The following ZNF827 variants were observed in gnomAD, a reference collection of about 807,000 sequenced individuals.
The protein encoded by ZNF827 is zinc finger protein 827.
ZNF827 carries 13 observed loss-of-function variants against 102.4 expected under a neutral mutation model. The observed-to-expected ratio is 0.13, with a 90% confidence interval of 0.08 to 0.20. The LOEUF (loss-of-function observed/expected upper bound fraction) is 0.20, where lower values mean the gene tolerates loss of function less well. Ranked by LOEUF, ZNF827 falls within the 10% of genes least tolerant of loss-of-function variation. The probability of loss-of-function intolerance (pLI) is 1.00; values close to 1 mark genes in which losing one functional copy is unlikely to be tolerated. For missense variants in ZNF827, 1,103 were observed against 1,344.4 expected (o/e 0.82, Z 2.81); for synonymous variants, 523 against 536.2 (o/e 0.98, Z 0.34).
At chr4:145,888,867 C>T (rs1750354270) in intron 3 of ZNF827, among the ~76,000 whole-genome samples, 1 of 152,188 alleles carries the variant, frequency 6.6e-6, no homozygotes, top group Non-Finnish European at 1.5e-5. Context: ...TTATAAGCTC[C>T]TTCCACAGCG....
At chr4:145,824,699 G>A (rs543796253) in intron 7 of ZNF827, among the ~76,000 whole-genome samples, 1 of 152,072 alleles carries the variant, frequency 6.6e-6, no homozygotes, top group Admixed American at 6.5e-5. Flanking sequence ...GCAGGGAAAC[G>A]CAGCCAGGAG....
chr4:145,857,484 C>T (rs1747265892), intron 5 of ZNF827, among the ~76,000 whole-genome samples: 1 of 152,196 alleles, frequency 6.6e-6, no homozygotes, highest in Non-Finnish European at 1.5e-5. Context: ...AGGTCCTCGA[C>T]TGAGCTAACT....
intron 4 of ZNF827, among the ~76,000 whole-genome samples, chr4:145,879,069 G>A (rs1003645882): frequency 1.9e-4 from 29 of 152,138 alleles, no homozygotes; most frequent in Non-Finnish European, 3.7e-4. Context: ...TTGAAGCCAA[G>A]GAAAATAAAC....
At chr4:145,774,698 G>A in intron 10 of ZNF827, 26 bp from the exon 11 acceptor site, 2 of 1,606,340 alleles carry the variant, frequency 1.2e-6, no homozygotes, top group Non-Finnish European at 1.7e-6. Context: ...AAAGAAAAGA[G>A]GGGGAGAGAA....
chr4:145,836,430 C>A (rs1040106754), intron 7 of ZNF827, among the ~76,000 whole-genome samples: 4 of 152,138 alleles, frequency 2.6e-5, no homozygotes, highest in African/African-American at 4.8e-5. Flanking sequence ...TAGAGGCCCT[C>A]AAAATCACAA....
At chr4:145,841,493 G>A (rs766508379) in intron 7 of ZNF827, among the ~76,000 whole-genome samples, 3 of 152,164 alleles carry the variant, frequency 2.0e-5, no homozygotes, top group Non-Finnish European at 4.4e-5. Context: ...AGTCTGAAAT[G>A]TTTGGTCCTT....
chr4:145,910,060 G>C (rs1390710262), intron 1 of ZNF827, among the ~76,000 whole-genome samples: 1 of 152,114 alleles, frequency 6.6e-6, no homozygotes, highest in Non-Finnish European at 1.5e-5. Flanking sequence ...CCAGATTCCT[G>C]TCACCAGTCC....
chr4:145,860,651 TC>T (rs914987575), intron 5 of ZNF827, among the ~76,000 whole-genome samples: 12 of 152,038 alleles, frequency 7.9e-5, no homozygotes, highest in African/African-American at 2.9e-4. Context: ...CCAGCTGCTA[TC>T]CCGTAGTTAG....
intron 5 of ZNF827, among the ~76,000 whole-genome samples, chr4:145,857,721 G>A (rs972227185): frequency 1.3e-5 from 2 of 152,144 alleles, no homozygotes; most frequent in Non-Finnish European, 2.9e-5. Context: ...ATGATGTCGG[G>A]TGGCTCAGTC....
chr4:145,896,818 C>T (rs1254980117), intron 2 of ZNF827, among the ~76,000 whole-genome samples: 5 of 152,150 alleles, frequency 3.3e-5, no homozygotes, highest in Non-Finnish European at 7.3e-5. Flanking sequence ...GGAATGACTA[C>T]ATCATTAATA....
At chr4:145,927,247 C>A (rs1466871306) in intron 1 of ZNF827, among the ~76,000 whole-genome samples, 1 of 152,282 alleles carries the variant, frequency 6.6e-6, no homozygotes, top group East Asian at 1.9e-4. Context: ...CCATATGGAG[C>A]ACATAATTCA....
rs1750678411 is a variant in ZNF827 at position 145,892,485 on chromosome 4, C to T, written c.1094-70G>A. On this transcript the variant is annotated intron_variant, in intron 2 of 14. Transcript: ENST00000508784. ...GTACACTGCATCTGGCATTAATTCA[C>T]ATACACTGCCATATAAAAAGCACTA... The T allele has an allele frequency of 1.7e-5, 24 of 1,403,050 alleles. No homozygotes were observed. In the South Asian group the frequency reaches 3.2e-4, roughly 19 times the overall value. 86.9% of individuals were successfully genotyped at this position (1,403,050 alleles called of 1,614,324 possible).
chr4:145,847,091 G>T (rs111385767), intron 6 of ZNF827, among the ~76,000 whole-genome samples: 6,963 of 151,846 alleles, frequency 0.046, 395 homozygotes, highest in East Asian at 0.16. Flanking sequence ...GAGGTGGAGG[G>T]TGTAGTGAGC....
intron 5 of ZNF827, among the ~76,000 whole-genome samples, chr4:145,857,839 A>G (rs1464677373): frequency 6.6e-6 from 1 of 152,138 alleles, no homozygotes; most frequent in African/African-American, 2.4e-5. Context: ...AAAGAGGTGC[A>G]TTTGAACTAT....
At chr4:145,859,017 A>G (rs1270014097) in intron 5 of ZNF827, among the ~76,000 whole-genome samples, 2 of 152,188 alleles carry the variant, frequency 1.3e-5, no homozygotes, top group Non-Finnish European at 2.9e-5. Context: ...AATATAAATA[A>G]TAATGAATCT....
intron 8 of ZNF827, among the ~76,000 whole-genome samples, chr4:145,814,581 A>T (rs1742376121): frequency 1.3e-5 from 2 of 149,646 alleles, no homozygotes; most frequent in African/African-American, 5.0e-5. Context: ...CCATCTTGCT[A>T]CCAGTGTTTC....
chr4:145,846,095 C>T (rs968694013), intron 6 of ZNF827, 82 bp from the exon 7 acceptor site: 2 of 1,259,372 alleles, frequency 1.6e-6, no homozygotes, highest in African/African-American at 3.0e-5. Flanking sequence ...CAGAAAAACC[C>T]TCAACATCTC....
chr4:145,833,416 G>C (rs1034870494), intron 7 of ZNF827, among the ~76,000 whole-genome samples: 4 of 152,136 alleles, frequency 2.6e-5, no homozygotes, highest in Non-Finnish European at 5.9e-5. Context: ...ACGTTTCAAA[G>C]GTGTCAGACC....
chr4:145,932,374 G>C (rs892732459), intron 1 of ZNF827, among the ~76,000 whole-genome samples: 2 of 152,002 alleles, frequency 1.3e-5, no homozygotes, highest in African/African-American at 4.8e-5. Context: ...CAAACTACTG[G>C]GATTACTTAA....
Sources: allele counts gnomAD v4.1 joint callset (sites outside exome capture counted in the v4.1 genomes callset), GRCh38; gene constraint gnomAD v4.1.1; transcripts MANE v1.5; gene names NCBI Gene and HGNC (gene_info 2026-07-23, HGNC 2026-07-21).